The following KANSL3 variants were observed in gnomAD, a reference collection of about 807,000 sequenced individuals.
KANSL3 encodes NSL complex protein NSL3.
In KANSL3, 16 loss-of-function variants were observed where a neutral mutation model predicts 89.2. The ratio of observed to expected loss-of-function variants is 0.18; its 90% CI spans 0.12 to 0.27. KANSL3 has a LOEUF of 0.27. Ranked by LOEUF, KANSL3 falls within the 10% of genes least tolerant of loss-of-function variation. The probability of loss-of-function intolerance (pLI) is 1.00; values close to 1 mark genes in which losing one functional copy is unlikely to be tolerated. For missense variants in KANSL3, 879 were observed against 1,110.6 expected (o/e 0.79, Z 2.96); for synonymous variants, 385 against 419.7 (o/e 0.92, Z 1.01).
intron 20 of KANSL3, among the ~76,000 whole-genome samples, chr2:96,597,029 A>G (rs983278351): frequency 5.9e-5 from 9 of 152,236 alleles, no homozygotes; most frequent in Non-Finnish European, 1.3e-4. Context: ...TGCCAGAAAC[A>G]AAACAGATAA....
chr2:96,628,080 G>T lies in KANSL3; in HGVS notation c.386+3232C>A, dbSNP rs1328770961. 3.1e-6 allele frequency: 4 copies of T among 1,290,334 alleles called. No individual in the cohort carries two copies. The East Asian group carries it at 1.7e-4, about 54-fold the overall frequency. The allele number at this position is 1,290,334 out of a possible 1,614,324, so 79.9% of individuals were successfully genotyped here. ...ATAACAGAAGGGTGGTGGTCCACAA[G>T]GAGACTGGAGAAAGATAAGCCAAAG... On this transcript the variant is annotated intron_variant, in intron 3 of 20. Coordinates refer to ENST00000431828, the MANE Select transcript of KANSL3 (RefSeq NM_001115016.3).
chr2:96,581,402 C>T, the KANSL3 span, among the ~76,000 whole-genome samples: 10 of 148,338 alleles, frequency 6.7e-5, no homozygotes, highest in East Asian at 3.9e-4. Context: ...CCAGCCTGGG[C>T]GACAGAGCAA....
At chr2:96,582,244 A>G in the KANSL3 span, among the ~76,000 whole-genome samples, 1 of 152,116 alleles carries the variant, frequency 6.6e-6, no homozygotes, top group South Asian at 2.1e-4. Flanking sequence ...CTAAAAATAC[A>G]AAAATTAGCC....
At chr2:96,604,186 C>T (rs2067613756) in intron 17 of KANSL3, 64 bp downstream of exon 17, 3 of 1,516,516 alleles carry the variant, frequency 2.0e-6, no homozygotes, top group Non-Finnish European at 1.8e-6. Context: ...TTTCCCAGGA[C>T]CACCCAGAAG....
chr2:96,591,349 GC>G (rs754977967), downstream of KANSL3, among the ~76,000 whole-genome samples: 13 of 152,190 alleles, frequency 8.5e-5, no homozygotes, highest in Admixed American at 5.2e-4. Flanking sequence ...GGAGATGGAT[GC>G]AACTATAAAG....
chr2:96,586,744 G>A, the KANSL3 span, among the ~76,000 whole-genome samples: 1 of 152,162 alleles, frequency 6.6e-6, no homozygotes, highest in African/African-American at 2.4e-5. Flanking sequence ...TTCCCGAGTA[G>A]CCAGCTTTCC....
intron 3 of KANSL3, among the ~76,000 whole-genome samples, chr2:96,626,473 AG>A (rs762070688): frequency 8.5e-5 from 13 of 152,212 alleles, no homozygotes; most frequent in Admixed American, 6.5e-5. Flanking sequence ...AAACTAAAGA[AG>A]GCTCAGAAAA....
rs962208365 is a variant in KANSL3 at position 96,612,346 on chromosome 2, C to T, written c.1022G>A (p.Ser341Asn). The change falls in exon 9 of 21, where the codon AGC becomes AAC. Residue 341 changes from serine to asparagine, a missense_variant. By Grantham distance (46) the Ser-to-Asn change is conservative. Transcript: ENST00000431828. ...GATAATGGGTTTGTGTGGGAAATGG[C>T]TGTGAATCTTCATGGGAAGAGAAAG... ...AVRSKVLEIH[S>N]HFPHKPIILI... 1 of 1,613,534 alleles carries T rather than the reference C, an allele frequency of 6.2e-7. No homozygotes were observed.
intron 18 of KANSL3, 55 bp downstream of exon 18, chr2:96,602,698 G>A (rs2067357934): frequency 7.0e-6 from 10 of 1,421,192 alleles, no homozygotes; most frequent in Non-Finnish European, 8.6e-6. Context: ...AACCAACTAA[G>A]CTGAGGAGGC....
rs756916398 is a variant in KANSL3 at position 96,605,442 on chromosome 2, T to C, written c.1811A>G (p.His604Arg). The C allele has an allele frequency of 1.2e-6, 2 of 1,613,992 alleles. No individual in the cohort carries two copies. Among genetic ancestry groups the C allele is most frequent in the East Asian group, 2.2e-5 (1 of 44,892 alleles). The change falls in exon 15 of 21, where the codon CAT becomes CGT. Residue 604 changes from histidine to arginine, a missense_variant. Around this residue, in one of 6 missense-constraint regions of KANSL3, gnomAD observed 317 missense variants for 311.2 expected, o/e 1.02. Coordinates refer to ENST00000431828, the MANE Select transcript of KANSL3 (RefSeq NM_001115016.3). ...EDLRVQLKRHHPSSPLPGSKT... is the reference protein window; with the variant it reads ...EDLRVQLKRHRPSSPLPGSKT... Reference sequence around the variant, plus strand: ...ACTGCCAGGAAGGGGACTCGAGGGATGGTGTCGCTTCAGCTGAACCCTAAG... The same window carrying C: ...ACTGCCAGGAAGGGGACTCGAGGGACGGTGTCGCTTCAGCTGAACCCTAAG...
chr2:96,592,094 C>T (rs2066285254), downstream of KANSL3, among the ~76,000 whole-genome samples: 2 of 152,112 alleles, frequency 1.3e-5, no homozygotes, highest in Non-Finnish European at 2.9e-5. Context: ...CAATCTAATC[C>T]TCATCTCGCT....
chr2:96,632,551 T>C (rs961165996), intron 2 of KANSL3, among the ~76,000 whole-genome samples: 1 of 152,180 alleles, frequency 6.6e-6, no homozygotes, highest in African/African-American at 2.4e-5. Context: ...TTTAGTAGGC[T>C]ACAGCTCAGG....
At chr2:96,602,528 A>G (rs1463198380) in intron 18 of KANSL3, among the ~76,000 whole-genome samples, 190 bp from the exon 19 acceptor site, 4 of 152,212 alleles carry the variant, frequency 2.6e-5, no homozygotes, top group African/African-American at 9.6e-5. Flanking sequence ...TACTATTATT[A>G]CCTCATTTTA....
intron 14 of KANSL3, 72 bp from the exon 15 acceptor site, chr2:96,605,583 AC>A: frequency 8.1e-7 from 1 of 1,234,390 alleles, no homozygotes; most frequent in Non-Finnish European, 1.2e-6. Flanking sequence ...CAATACCAGC[AC>A]CAACACAGCC....
At chr2:96,622,409 C>CA (rs781666671) in intron 3 of KANSL3, among the ~76,000 whole-genome samples, 1,765 of 108,100 alleles carry the variant, frequency 0.016, 29 homozygotes, top group African/African-American at 0.052. Flanking sequence ...GACCTCGTCT[C>CA]AAAAAAAAAA....
At chr2:96,611,263 C>G (rs778007914) in intron 9 of KANSL3, 125 bp from the exon 10 acceptor site, 6 of 736,920 alleles carry the variant, frequency 8.1e-6, no homozygotes, top group Admixed American at 2.1e-5. Context: ...TCCTAATATC[C>G]GGGTGCATCT....
intron 17 of KANSL3, 137 bp from the exon 18 acceptor site, chr2:96,602,999 G>A (rs2067406716): frequency 1.4e-6 from 1 of 710,286 alleles, no homozygotes. Flanking sequence ...CAGAGAGAAG[G>A]CAGGAAGCTC....
At chr2:96,637,344 A>T (rs981271963) in intron 1 of KANSL3, 159 bp from the exon 2 acceptor site, 2 of 486,542 alleles carry the variant, frequency 4.1e-6, no homozygotes, top group Non-Finnish European at 7.2e-6. Flanking sequence ...ATCCCACACC[A>T]ACACCAAAAA....
intron 3 of KANSL3, among the ~76,000 whole-genome samples, chr2:96,629,137 T>A (rs1392119489): frequency 6.6e-6 from 1 of 152,214 alleles, no homozygotes; most frequent in African/African-American, 2.4e-5. Context: ...ATTGATACAA[T>A]GTCTGGCACC....
Sources: gnomAD v4.1 joint callset for allele counts (sites outside exome capture counted in the v4.1 genomes callset) on GRCh38, gnomAD v4.1.1 for gene constraint, gnomAD v4.1.1 regional missense constraint, MANE v1.5 for transcripts, NCBI Gene and HGNC (gene_info 2026-07-23, HGNC 2026-07-21) for gene names.